SCG3: variants seen among roughly 807,000 people sequenced by gnomAD.
SCG3 encodes the protein secretogranin-3.
Under a neutral mutation model 56.2 loss-of-function variants are expected in SCG3, and 38 were observed. The observed-to-expected ratio is 0.68, with a 90% CI of 0.52 to 0.89. The LOEUF (loss-of-function observed/expected upper bound fraction) is 0.89. SCG3 is among the 40% of genes least tolerant of loss of function. The pLI, the probability that SCG3 is intolerant of heterozygous loss-of-function variation, is 0.00. For missense variants in SCG3, 524 were observed against 540.7 expected (o/e 0.97, Z 0.31); for synonymous variants, 176 against 184.2 (o/e 0.96, Z 0.36).
At chr15:51,711,050 G>C (rs1323926129) in intron 10 of SCG3, among the ~76,000 whole-genome samples, 1 of 152,180 alleles carries the variant, frequency 6.6e-6, no homozygotes, top group African/African-American at 2.4e-5. Context: ...CCAATATAAG[G>C]TGTGATAATG....
intron 6 of SCG3, 27 bp downstream of exon 6, chr15:51,689,395 A>AT (rs1221855202): frequency 8.0e-7 from 1 of 1,245,856 alleles, no homozygotes; most frequent in Non-Finnish European, 1.1e-6. Flanking sequence ...ATGCATATGC[A>AT]TGGGGGTGTG....
At position 51,688,401 on chromosome 15, in the gene SCG3, T is replaced by G. The variant is rs1433182345; in HGVS notation, c.539T>G (p.Leu180Arg). ...KIVSKLLNLG[L>R]ITESQAHTLE... ...GTTTCTAAACTACTTAATCTCGGCC[T>G]TGTAAGTCATTTGGTAGGAAATAAA... The change falls in exon 5 of 12, where the codon CTT becomes CGT. Residue 180 changes from leucine to arginine, a missense_variant and splice_region_variant. Leu to Arg is a moderately radical substitution (Grantham distance 102). Coordinates refer to ENST00000220478, the MANE Select transcript of SCG3 (RefSeq NM_013243.4). The G allele has an allele frequency of 6.2e-7, 1 of 1,612,624 alleles. No individual in the cohort carries two copies. Among genetic ancestry groups the G allele is most frequent in the Admixed American group, 1.7e-5 (1 of 59,884 alleles).
intron 10 of SCG3, among the ~76,000 whole-genome samples, chr15:51,709,431 G>T (rs1024573694): frequency 6.6e-6 from 1 of 151,788 alleles, no homozygotes; most frequent in Non-Finnish European, 1.5e-5. Flanking sequence ...ACCTCTCTGA[G>T]CCTTAGTTTC....
chr15:51,704,363 G>A (rs2055360245), intron 10 of SCG3, among the ~76,000 whole-genome samples: 1 of 148,462 alleles, frequency 6.7e-6, no homozygotes, highest in Admixed American at 6.8e-5. Flanking sequence ...ACAGTTTTGA[G>A]GCCCTAAGTA....
intron 11 of SCG3, among the ~76,000 whole-genome samples, chr15:51,716,580 G>A (rs979503932): frequency 1.3e-5 from 2 of 152,140 alleles, no homozygotes; most frequent in Admixed American, 6.5e-5. Context: ...TCTCTGAAAT[G>A]AGGATACTAA....
intron 10 of SCG3, among the ~76,000 whole-genome samples, chr15:51,712,269 G>A (rs1426767035): frequency 2.6e-5 from 4 of 152,168 alleles, no homozygotes; most frequent in Non-Finnish European, 4.4e-5. Flanking sequence ...GGGCTCAGAT[G>A]GGGCTCAGAA....
Position 51,697,214 on chromosome 15 carries a change from C to T in SCG3, c.985+1223C>T, listed in dbSNP as rs139920217. Among the ~76,000 whole-genome samples, 15 of 145,442 alleles carry T rather than the reference C, an allele frequency of 1.0e-4. No individual in the cohort carries two copies. The East Asian group carries it at 2.4e-3, about 23-fold the overall frequency. On this transcript the variant is annotated intron_variant, in intron 8 of 11. Transcript: ENST00000220478. ...TATAACAAAAAATAAGCTCATATTA[C>T]ACATAGTGCTTTGGGGTCTACTTTA... is the stretch of plus-strand genomic sequence containing the variant.
At chr15:51,708,293 A>G (rs1451470977) in intron 10 of SCG3, 13 of 152,388 alleles carry the variant, frequency 8.5e-5, no homozygotes, top group East Asian at 5.8e-4. Context: ...AGAAAAGTCA[A>G]TATGAGCCAG....
In SCG3 at chr15:51,720,968, G is replaced by A. The variant is rs59426894; in HGVS notation, c.*1442G>A. On this transcript the variant is annotated 3_prime_UTR_variant, in exon 12 of 12. Coordinates refer to ENST00000220478, the MANE Select transcript of SCG3 (RefSeq NM_013243.4). ...CCAGCAGCAGCAACCTGTTCAGGTC[G>A]CCTGCCGCTGTGGAAGCTTTGTCCT... The A allele has an allele frequency of 0.01, 1,564 of 155,436 alleles. 17 individuals are homozygous for A. The highest frequency in any genetic ancestry group is 0.022 in the African/African-American group (902 of 41,608). 9.6% of individuals were successfully genotyped at this position (155,436 alleles called of 1,614,324 possible). A position where few individuals can be genotyped will look rare whatever the true frequency, so the allele number is the denominator to read the frequency against.
intron 9 of SCG3, among the ~76,000 whole-genome samples, 168 bp from the exon 10 acceptor site, chr15:51,700,939 T>C (rs780376412): frequency 3.3e-5 from 5 of 152,186 alleles, no homozygotes; most frequent in African/African-American, 4.8e-5. Flanking sequence ...TTTCCTCTTC[T>C]GTGATATGGG....
intron 8 of SCG3, among the ~76,000 whole-genome samples, chr15:51,696,678 A>G (rs1168912836): frequency 6.6e-6 from 1 of 152,228 alleles, no homozygotes; most frequent in East Asian, 1.9e-4. Flanking sequence ...CTTGTGGCAG[A>G]AGGTGAAGTG....
chr15:51,709,686 TA>T (rs1567222261), intron 10 of SCG3, among the ~76,000 whole-genome samples: 10 of 23,458 alleles, frequency 4.3e-4, no homozygotes, highest in South Asian at 1.4e-3. Context: ...TATATATATA[TA>T]TATATATATA....
In SCG3 at chr15:51,695,910, A is replaced by G; in HGVS notation, c.904A>G (p.Ile302Val). 6.2e-7 allele frequency: 1 copy of G among 1,609,440 alleles called. No individual in the cohort carries two copies. Among genetic ancestry groups the G allele is most frequent in the Non-Finnish European group, 8.5e-7 (1 of 1,176,146 alleles). ...AAAAGAGAAAGAAACACTGATTACT[A>G]TCATGAAAACACTGATTGACTTTGT... Reference protein sequence around the residue: ...EAKEKETLITIMKTLIDFVKM... With the variant: ...EAKEKETLITVMKTLIDFVKM... The change falls in exon 8 of 12, where the codon ATC becomes GTC. Residue 302 changes from isoleucine (I) to valine (V), a missense_variant. Coordinates refer to ENST00000220478, the MANE Select transcript of SCG3 (RefSeq NM_013243.4).
At chr15:51,693,019 C>T (rs988699877) in intron 7 of SCG3, among the ~76,000 whole-genome samples, 19 of 152,226 alleles carry the variant, frequency 1.2e-4, no homozygotes, top group Middle Eastern at 3.4e-3. Context: ...AAATTTCATA[C>T]CCTTTGACCA....
intron 10 of SCG3, among the ~76,000 whole-genome samples, chr15:51,710,305 T>C (rs1262414398): frequency 6.6e-6 from 1 of 152,056 alleles, no homozygotes; most frequent in Non-Finnish European, 1.5e-5. Context: ...TGGATAAAAA[T>C]AAAGCATGAA....
At chr15:51,709,703 T>TATA (rs2055405087) in intron 10 of SCG3, among the ~76,000 whole-genome samples, 1 of 12,046 alleles carries the variant, frequency 8.3e-5, no homozygotes, top group African/African-American at 3.6e-4. Context: ...ATATATATAT[T>TATA]TTTTTTTTTT....
intron 9 of SCG3, 122 bp downstream of exon 9, chr15:51,699,524 C>A: frequency 1.4e-6 from 1 of 728,946 alleles, no homozygotes; most frequent in Non-Finnish European, 2.3e-6. Context: ...AAATCTGAAA[C>A]GCAGCCATAG....
chr15:51,712,623 A>T (rs1345788992), intron 10 of SCG3, among the ~76,000 whole-genome samples: 1 of 152,096 alleles, frequency 6.6e-6, no homozygotes, highest in Non-Finnish European at 1.5e-5. Context: ...CTCTCAGTGG[A>T]TGGTAATATC....
intron 10 of SCG3, among the ~76,000 whole-genome samples, chr15:51,702,045 G>T (rs1595835881): frequency 6.6e-6 from 1 of 152,036 alleles, no homozygotes; most frequent in Admixed American, 6.6e-5. Flanking sequence ...TAACAAACCT[G>T]CACATTGTGC....
Sources: gnomAD v4.1 joint callset for allele counts (sites outside exome capture counted in the v4.1 genomes callset) on GRCh38, gnomAD v4.1.1 for gene constraint, MANE v1.5 for transcripts, NCBI Gene and HGNC (gene_info 2026-07-23, HGNC 2026-07-21) for gene names.